The following SLC8A1 variants were observed in gnomAD, a reference collection of about 807,000 sequenced individuals.
SLC8A1 encodes the protein solute carrier family 8 member A1.
SLC8A1 carries 18 observed loss-of-function variants against 68.3 expected under a neutral mutation model. That is an observed-to-expected ratio of 0.26 (90% confidence interval 0.18 to 0.39). The LOEUF (loss-of-function observed/expected upper bound fraction) is 0.39, where lower values mean the gene tolerates loss of function less well. Ranked by LOEUF, SLC8A1 falls within the 10% of genes least tolerant of loss-of-function variation. The pLI is 1.00. For synonymous variants in SLC8A1, 475 were observed against 415.5 expected (o/e 1.14, Z -1.74); for missense variants, 985 against 1,156.7 (o/e 0.85, Z 2.15).
chr2:40,174,578 G>T (rs2048135891), intron 4 of SLC8A1, 128 bp downstream of exon 6: 1 of 902,088 alleles, frequency 1.1e-6, no homozygotes, highest in Non-Finnish European at 1.7e-6. Context: ...CGTTAAATGT[G>T]TAAAACCAGC....
chr2:40,289,497 A>G (rs1012903092), intron 2 of SLC8A1, among the ~76,000 whole-genome samples: 1 of 152,116 alleles, frequency 6.6e-6, no homozygotes, highest in African/African-American at 2.4e-5. Context: ...TACTGTCTCC[A>G]GACAATCCCA....
intron 2 of SLC8A1, among the ~76,000 whole-genome samples, chr2:40,306,434 T>TA (rs2072609545): frequency 7.2e-6 from 1 of 139,666 alleles, no homozygotes; most frequent in Admixed American, 7.2e-5. Flanking sequence ...TAAGGATAAA[T>TA]AAAAAAAGGA....
chr2:40,354,029 G>C (rs186828915), intron 2 of SLC8A1, among the ~76,000 whole-genome samples: 43 of 152,276 alleles, frequency 2.8e-4, no homozygotes, highest in African/African-American at 1.0e-3. Flanking sequence ...TTTTATTCTT[G>C]TGCAGATGTT....
rs912704815 is a variant in SLC8A1, at chr2:40,148,878, T to C, written c.2162-9202A>G. On this transcript the variant is annotated intron_variant, in intron 6 of 7. Coordinates refer to ENST00000406785, the Ensembl canonical transcript of SLC8A1. ...CCTTCCCTCACTGCTCCTGAACACT[T>C]CTATTAGAGGGTAAGTAGGCTAAGG... Among the ~76,000 whole-genome samples the C allele has an allele frequency of 3.9e-5, 6 of 152,310 alleles. No individual in the cohort carries two copies. In the South Asian group the frequency reaches 1.2e-3, roughly 32 times the overall value.
At chr2:40,226,345 A>T (rs1288120062) in intron 2 of SLC8A1, among the ~76,000 whole-genome samples, 1 of 152,152 alleles carries the variant, frequency 6.6e-6, no homozygotes, top group Middle Eastern at 3.2e-3. Flanking sequence ...ATGTATATTC[A>T]TTGTGCTGCA....
chr2:40,356,858 A>C (rs1352293205), intron 2 of SLC8A1, among the ~76,000 whole-genome samples: 1 of 152,206 alleles, frequency 6.6e-6, no homozygotes. Context: ...TTCCAGTTTA[A>C]TTACAGAAAT....
intron 2 of SLC8A1, among the ~76,000 whole-genome samples, chr2:40,406,425 G>A (rs929130744): frequency 6.6e-6 from 1 of 152,040 alleles, no homozygotes; most frequent in Non-Finnish European, 1.5e-5. Context: ...CTTATTTATT[G>A]TATAATGGAT....
intron 1 of SLC8A1, among the ~76,000 whole-genome samples, chr2:40,479,875 T>C (rs1436049849): frequency 6.6e-6 from 1 of 152,192 alleles, no homozygotes; most frequent in Admixed American, 6.5e-5. Context: ...AGCTGTGCAG[T>C]TGCCTACCCT....
At chr2:40,149,618 T>C (rs996874152) in intron 6 of SLC8A1, among the ~76,000 whole-genome samples, 10 of 152,272 alleles carry the variant, frequency 6.6e-5, no homozygotes, top group Non-Finnish European at 1.0e-4. Context: ...TGTGACAAGA[T>C]GGAAAGAGGA....
At position 40,275,950 on chromosome 2, in the gene SLC8A1, A is replaced by G. The variant is rs181770002; in HGVS notation, c.1809-98095T>C. 2.0e-5 allele frequency among the ~76,000 whole-genome samples: 3 copies of G among 152,196 alleles called. No homozygotes were observed. In the East Asian group the frequency reaches 5.8e-4, roughly 29 times the overall value. On this transcript the variant is annotated intron_variant, in intron 2 of 7. Coordinates refer to ENST00000406785, the Ensembl canonical transcript of SLC8A1. Reference sequence around the variant, plus strand: ...AGACTTCACTTAGTCTCCTTGAAGGATTCATTTGCCACAGCTCCTGAGTAC... The same window carrying G: ...AGACTTCACTTAGTCTCCTTGAAGGGTTCATTTGCCACAGCTCCTGAGTAC...
intron 1 of SLC8A1, among the ~76,000 whole-genome samples, chr2:40,432,099 T>C (rs1376958359): frequency 6.6e-6 from 1 of 152,114 alleles, no homozygotes; most frequent in Admixed American, 6.6e-5. Flanking sequence ...CTTTGAGATT[T>C]CTGCTTGAAA....
chr2:40,356,624 C>T (rs1051551991), intron 2 of SLC8A1, among the ~76,000 whole-genome samples: 2 of 150,374 alleles, frequency 1.3e-5, no homozygotes, highest in South Asian at 2.1e-4. Context: ...AACTGCCTGT[C>T]AAATGTATTG....
exon 8 of SLC8A1, chr2:40,110,775 A>C (rs1371148801): frequency 2.0e-5 from 3 of 152,172 alleles, no homozygotes; most frequent in African/African-American, 7.2e-5. Flanking sequence ...CCATATCCCC[A>C]GCCCAAAAAT....
intron 1 of SLC8A1, among the ~76,000 whole-genome samples, chr2:40,447,658 G>A (rs892384599): frequency 7.9e-5 from 12 of 151,332 alleles, no homozygotes; most frequent in Admixed American, 2.0e-4. Flanking sequence ...GCTCCTTCTC[G>A]GATAATATTT....
At chr2:40,412,429 T>A (rs1692439876) in intron 2 of SLC8A1, among the ~76,000 whole-genome samples, 1 of 152,162 alleles carries the variant, frequency 6.6e-6, no homozygotes, top group Admixed American at 6.6e-5. Flanking sequence ...TATTAGGCAC[T>A]GGATTAAAAG....
chr2:40,463,926 GCT>G (rs1352801067), intron 1 of SLC8A1, among the ~76,000 whole-genome samples: 30 of 143,312 alleles, frequency 2.1e-4, no homozygotes, highest in East Asian at 4.5e-4. Context: ...ATGGTGTCTC[GCT>G]CTGTTTCCCA....
chr2:40,451,533 G>A (rs765875418), intron 1 of SLC8A1, among the ~76,000 whole-genome samples: 2 of 152,116 alleles, frequency 1.3e-5, no homozygotes, highest in African/African-American at 2.4e-5. Flanking sequence ...CTGCATTCGG[G>A]GTGGACTTAG....
At chr2:40,237,100 G>A (rs904619872) in intron 2 of SLC8A1, among the ~76,000 whole-genome samples, 2 of 151,336 alleles carry the variant, frequency 1.3e-5, no homozygotes, top group East Asian at 1.9e-4. Context: ...TGCTCTTCTC[G>A]AGGAGTATCT....
intron 2 of SLC8A1, among the ~76,000 whole-genome samples, chr2:40,387,696 G>C (rs1023853540): frequency 2.0e-5 from 3 of 148,894 alleles, no homozygotes; most frequent in African/African-American, 5.2e-5. Context: ...CCAAAACATT[G>C]AGAAGCCTAG....
Sources: allele counts gnomAD v4.1 joint callset (sites outside exome capture counted in the v4.1 genomes callset), GRCh38; gene constraint gnomAD v4.1.1; transcripts MANE v1.5; gene names NCBI Gene and HGNC (gene_info 2026-07-23, HGNC 2026-07-21).